Variants in ATRN observed in about 807,000 individuals in gnomAD.
The protein encoded by ATRN is attractin.
ATRN carries 54 observed loss-of-function variants against 178.7 expected under a neutral mutation model. The observed-to-expected ratio is 0.30, with a 90% confidence interval of 0.24 to 0.38. The LOEUF (loss-of-function observed/expected upper bound fraction) is 0.38. Ranked by LOEUF, ATRN falls within the 10% of genes least tolerant of loss-of-function variation. The pLI is 1.00. For synonymous variants in ATRN, 636 were observed against 663.0 expected, an observed-to-expected ratio of 0.96 and a Z score of 0.63; for missense variants, 1,443 against 1,815.1, an observed-to-expected ratio of 0.79 and a Z score of 3.73.
At chr20:3,539,164 G>A (rs1283530502) in intron 2 of ATRN, among the ~76,000 whole-genome samples, 1 of 152,198 alleles carries the variant, frequency 6.6e-6, no homozygotes, top group Non-Finnish European at 1.5e-5. Flanking sequence ...CTAAACTGGA[G>A]AAATAGAATT....
intron 25 of ATRN, among the ~76,000 whole-genome samples, chr20:3,631,578 C>G (rs1435561648): frequency 1.3e-5 from 2 of 152,104 alleles, no homozygotes; most frequent in East Asian, 3.9e-4. Flanking sequence ...CTTCTTGTAG[C>G]TGGAGCAGCA....
intron 14 of ATRN, among the ~76,000 whole-genome samples, chr20:3,578,340 A>G (rs182117120): frequency 6.6e-6 from 1 of 152,340 alleles, no homozygotes; most frequent in Non-Finnish European, 1.5e-5. Flanking sequence ...CATCTAAGAC[A>G]TAGGATAAGT....
In ATRN at chr20:3,603,359, G is replaced by A. The variant is rs952904079; in HGVS notation, c.3644-746G>A. 2.0e-5 allele frequency among the ~76,000 whole-genome samples: 3 copies of A among 152,310 alleles called. No individual in the cohort carries two copies. In the East Asian group the frequency reaches 5.8e-4, roughly 29 times the overall value. ...AAGGAATTGAAGTGGTGTGGGCAAA[G>A]TGAATGCCAGTGCTTGTTAATAGGA... On this transcript the variant is annotated intron_variant, in intron 23 of 28. Transcript: ENST00000262919.
chr20:3,562,591 T>C, intron 9 of ATRN, 132 bp downstream of exon 9: 1 of 847,748 alleles, frequency 1.2e-6, no homozygotes. Context: ...ATAGAGAAAT[T>C]GGGAAATAAA....
At chr20:3,474,077 G>T (rs2084475388) in intron 1 of ATRN, among the ~76,000 whole-genome samples, 1 of 152,186 alleles carries the variant, frequency 6.6e-6, no homozygotes, top group African/African-American at 2.4e-5. Flanking sequence ...ACACCTGGCA[G>T]ATGTTAAGTT....
At chr20:3,485,343 A>C (rs1448028538) in intron 1 of ATRN, among the ~76,000 whole-genome samples, 1 of 152,016 alleles carries the variant, frequency 6.6e-6, no homozygotes, top group Non-Finnish European at 1.5e-5. Context: ...GAGCTAGTTC[A>C]TGTTGTTGAA....
chr20:3,547,437 C>A lies in ATRN; in HGVS notation c.891C>A (p.Gly297=). ...ACAACTGTGGTTTTCCTCATCGAGG[C>A]ATCTGCAATTCAAGTGATGTCAGAG... is the stretch of plus-strand genomic sequence containing the variant. The part of the protein sequence containing the change: ...CTDNCGFPHR[G]ICNSSDVRGC... Residue 297 remains glycine (G), a synonymous_variant, in exon 5 of 29, where the codon GGC becomes GGA. Transcript: ENST00000262919. 6.2e-7 allele frequency: 1 copy of A among 1,614,150 alleles called. No individual in the cohort carries two copies. Among genetic ancestry groups the A allele is most frequent in the Non-Finnish European group, 8.5e-7 (1 of 1,179,984 alleles).
At chr20:3,641,590 CAAAAA>C (rs61692220) in intron 27 of ATRN, among the ~76,000 whole-genome samples, 7 of 47,820 alleles carry the variant, frequency 1.5e-4, no homozygotes, top group African/African-American at 6.0e-4. Flanking sequence ...GACTCTGTCG[CAAAAA>C]AAAAAAAAAA....
intron 23 of ATRN, among the ~76,000 whole-genome samples, chr20:3,603,638 C>G (rs532519933): frequency 1.8e-4 from 28 of 152,048 alleles, no homozygotes; most frequent in Admixed American, 1.4e-3. Context: ...TACAGGCATG[C>G]GCCACCACGC....
chr20:3,592,898 T>C (rs1366451511), intron 19 of ATRN, among the ~76,000 whole-genome samples: 2 of 152,234 alleles, frequency 1.3e-5, no homozygotes, highest in Admixed American at 1.3e-4. Context: ...TAAGTAAAAG[T>C]TCTTGCTCAG....
rs762558143 is a variant in ATRN, at chr20:3,584,791, C to G, written c.3095C>G (p.Pro1032Arg). The change falls in exon 18 of 29, where the codon CCT (proline) becomes CGT (arginine). Residue 1032 changes from proline to arginine, a missense_variant. Pro to Arg is a moderately radical substitution (Grantham distance 103). Coordinates refer to ENST00000262919, the MANE Select transcript of ATRN (RefSeq NM_139321.3). The stretch of plus-strand genomic sequence containing the variant: ...CCAGTGAAGATGCCTTCGCAAGCCC[C>G]TACAGGAAATTTCTATCCACAGCCC... ...KGPVKMPSQAPTGNFYPQPLL... is the reference protein window; with the variant it reads ...KGPVKMPSQARTGNFYPQPLL... 6.2e-7 allele frequency: 1 copy of G among 1,614,196 alleles called. No individual in the cohort carries two copies. Among genetic ancestry groups the G allele is most frequent in the Non-Finnish European group, 8.5e-7 (1 of 1,180,024 alleles).
chr20:3,637,287 G>A (rs1488229323), intron 26 of ATRN, among the ~76,000 whole-genome samples: 2 of 152,138 alleles, frequency 1.3e-5, no homozygotes, highest in Non-Finnish European at 2.9e-5. Flanking sequence ...AACAATAGTA[G>A]TAGCGGCTGA....
intron 11 of ATRN, among the ~76,000 whole-genome samples, chr20:3,568,376 G>A (rs1374996841): frequency 6.7e-6 from 1 of 149,558 alleles, no homozygotes; most frequent in African/African-American, 2.5e-5. Flanking sequence ...GGCCAGGCAT[G>A]GTGGCTCATG....
rs890826837 is a variant in ATRN, at chr20:3,471,053, C to G, written c.-55C>G. 171 of 1,450,760 alleles carry G rather than the reference C, an allele frequency of 1.2e-4. No homozygotes were observed. The highest frequency in any genetic ancestry group is 1.4e-4 in the Non-Finnish European group (159 of 1,108,086). 89.9% of individuals were successfully genotyped at this position (1,450,760 alleles called of 1,614,324 possible). A position where few individuals can be genotyped will look rare whatever the true frequency, so the allele number is the denominator to read the frequency against. ...CCCGCACGGCCAGGCGAAGCGGAGC[C>G]GGCCGTGCGGTGTGTGTGTATGTGT... is the stretch of plus-strand genomic sequence containing the variant. On this transcript the variant is annotated 5_prime_UTR_variant, in exon 1 of 29. Coordinates refer to ENST00000262919, the MANE Select transcript of ATRN (RefSeq NM_139321.3).
intron 24 of ATRN, among the ~76,000 whole-genome samples, chr20:3,606,197 C>T (rs1041871927): frequency 3.3e-5 from 5 of 152,232 alleles, no homozygotes; most frequent in African/African-American, 1.2e-4. Flanking sequence ...CACACATCTG[C>T]TCACAATGGT....
At chr20:3,527,855 G>A (rs957495600) in intron 1 of ATRN, among the ~76,000 whole-genome samples, 1 of 151,708 alleles carries the variant, frequency 6.6e-6, no homozygotes, top group Non-Finnish European at 1.5e-5. Context: ...ACTCATAAGT[G>A]GGAGTTGAAC....
At position 3,471,075 on chromosome 20, in the gene ATRN, G is replaced by C. The variant is rs1181581769; in HGVS notation, c.-33G>C. ...AGCCGGCCGTGCGGTGTGTGTGTAT[G>C]TGTTCGCGGGGCGCCGTCTCAGCCC... On this transcript the variant is annotated 5_prime_UTR_variant, in exon 1 of 29. The change abolishes an upstream ATG in the 5' untranslated region. Coordinates refer to ENST00000262919, the MANE Select transcript of ATRN (RefSeq NM_139321.3). 4 of 1,504,652 alleles carry C rather than the reference G, an allele frequency of 2.7e-6. No homozygotes were observed. The highest frequency in any genetic ancestry group is 3.5e-6 in the Non-Finnish European group (4 of 1,133,364). 93.2% of individuals were successfully genotyped at this position (1,504,652 alleles called of 1,614,324 possible). A position where few individuals can be genotyped will look rare whatever the true frequency, so the allele number is the denominator to read the frequency against.
chr20:3,603,120 G>T (rs1267958106), intron 23 of ATRN, among the ~76,000 whole-genome samples: 3 of 152,054 alleles, frequency 2.0e-5, no homozygotes, highest in African/African-American at 7.2e-5. Flanking sequence ...GGCTAAGGGA[G>T]AATGTGGAAC....
intron 24 of ATRN, among the ~76,000 whole-genome samples, chr20:3,616,700 G>A (rs1345289015): frequency 3.9e-5 from 6 of 152,230 alleles, no homozygotes; most frequent in Admixed American, 1.3e-4. Flanking sequence ...AAAAGTCACC[G>A]ACGATCAGTG....
Sources: allele counts gnomAD v4.1 joint callset (sites outside exome capture counted in the v4.1 genomes callset), GRCh38; gene constraint gnomAD v4.1.1; transcripts MANE v1.5; gene names NCBI Gene and HGNC (gene_info 2026-07-23, HGNC 2026-07-21).